The following GNA15 variants were observed in gnomAD, a reference collection of about 807,000 sequenced individuals.
GNA15 encodes guanine nucleotide-binding protein subunit alpha-15.
In GNA15, 23 loss-of-function variants were observed where a neutral mutation model predicts 40.1. The observed-to-expected ratio is 0.57, with a 90% CI of 0.41 to 0.81. The LOEUF (loss-of-function observed/expected upper bound fraction) is 0.81. Ranked by LOEUF, GNA15 falls within the 40% of genes least tolerant of loss-of-function variation. GNA15 has a pLI of 0.00. For missense variants in GNA15, 522 were observed against 515.8 expected (o/e 1.01, Z -0.12); for synonymous variants, 226 against 210.4 (o/e 1.07, Z -0.64).
intron 6 of GNA15, 101 bp from the exon 7 acceptor site, chr19:3,162,692 C>G: frequency 1.4e-6 from 1 of 715,400 alleles, no homozygotes; most frequent in South Asian, 1.6e-5. Flanking sequence ...AGGCGCGATC[C>G]CTGGGTCCCT....
intron 5 of GNA15, among the ~76,000 whole-genome samples, chr19:3,156,217 C>CGCACATGCACACAT (rs1438233191): frequency 1.3e-5 from 2 of 149,880 alleles, no homozygotes; most frequent in South Asian, 2.1e-4. Context: ...AGTGCACACA[C>CGCACATGCACACAT]GCACATACAC....
chr19:3,146,948 C>G (rs1246635337), intron 1 of GNA15, among the ~76,000 whole-genome samples: 1 of 152,084 alleles, frequency 6.6e-6, no homozygotes, highest in Non-Finnish European at 1.5e-5. Context: ...CCACAAGGGC[C>G]TCCTCACTGT....
intron 2 of GNA15, 106 bp downstream of exon 2, chr19:3,148,881 G>A (rs1317422339): frequency 8.7e-7 from 1 of 1,151,774 alleles, no homozygotes; most frequent in East Asian, 2.6e-5. Context: ...GGCAGGGCAG[G>A]GCAGGGCAGG....
At chr19:3,160,599 T>G (rs923664252) in intron 6 of GNA15, among the ~76,000 whole-genome samples, 1 of 152,174 alleles carries the variant, frequency 6.6e-6, no homozygotes, top group Non-Finnish European at 1.5e-5. Flanking sequence ...GGGAAGGAAG[T>G]GACGGCAGCC....
rs1214796941 is a variant in GNA15 at position 3,136,644 on chromosome 19, C to T, written c.145+49C>T. 2 of 1,515,272 alleles carry T rather than the reference C, an allele frequency of 1.3e-6. No homozygotes were observed. The highest frequency in any genetic ancestry group is 2.0e-5 in the Admixed American group (1 of 50,342). 93.9% of individuals were successfully genotyped at this position (1,515,272 alleles called of 1,614,324 possible). A position where few individuals can be genotyped will look rare whatever the true frequency, so the allele number is the denominator to read the frequency against. On this transcript the variant is annotated intron_variant, in intron 1 of 6. Coordinates refer to ENST00000262958, the MANE Select transcript of GNA15 (RefSeq NM_002068.4). This position sits in a 1 kb window ranked among gnomAD's most constrained non-coding sequence, Gnocchi z 4.9. ...TGGGTGGTGGGCAGTGGGCGGTGGCCAGCCGGCAGGGGTGTCGGGGCAAGG... is the reference window on the plus strand; with the variant it reads ...TGGGTGGTGGGCAGTGGGCGGTGGCTAGCCGGCAGGGGTGTCGGGGCAAGG...
At chr19:3,148,547 G>A in intron 1 of GNA15, 44 bp from the exon 2 acceptor site, 1 of 1,501,492 alleles carries the variant, frequency 6.7e-7, no homozygotes, top group Non-Finnish European at 8.9e-7. Flanking sequence ...GTCGGGGGTG[G>A]GAGTCCCGTG....
intron 4 of GNA15, among the ~76,000 whole-genome samples, chr19:3,152,301 G>A (rs1568297419): frequency 6.6e-6 from 1 of 152,062 alleles, no homozygotes; most frequent in South Asian, 2.1e-4. Flanking sequence ...CCAGGACAGC[G>A]GGCGTGGGGA....
In GNA15 at chr19:3,140,055, C is replaced by CTATCTATCTATCTATCTATG. The variant is rs1568292402; in HGVS notation, c.145+3479_145+3480insGTATCTATCTATCTATCTAT. On this transcript the variant is annotated intron_variant, in intron 1 of 6. Transcript: ENST00000262958. Reference sequence around the variant, plus strand: ...TCTCAAAAAAAAAAAATCTATCTATCTATCTATCTATCTATCTATCTATCT... The same window carrying CTATCTATCTATCTATCTATG: ...TCTCAAAAAAAAAAAATCTATCTATCTATCTATCTATCTATCTATGTATCTATCTATCTATCTATCTATCT... Among the ~76,000 whole-genome samples, 133 of 150,248 alleles carry CTATCTATCTATCTATCTATG rather than the reference C, an allele frequency of 8.9e-4. 2 individuals are homozygous for CTATCTATCTATCTATCTATG. The highest frequency in any genetic ancestry group is 3.4e-3 in the Middle Eastern group (1 of 292).
At chr19:3,140,661 T>A (rs1914557560) in intron 1 of GNA15, among the ~76,000 whole-genome samples, 1 of 152,222 alleles carries the variant, frequency 6.6e-6, no homozygotes, top group African/African-American at 2.4e-5. Flanking sequence ...AGGGACCACA[T>A]CTGTCTTCTT....
intron 1 of GNA15, among the ~76,000 whole-genome samples, chr19:3,148,258 T>G (rs979307496): frequency 1.3e-5 from 2 of 152,024 alleles, no homozygotes; most frequent in African/African-American, 4.8e-5. Flanking sequence ...CCGGCTAATT[T>G]TGTATTTTTA....
intron 2 of GNA15, chr19:3,149,360 A>T (rs1568296391): frequency 6.3e-6 from 1 of 158,244 alleles, no homozygotes; most frequent in East Asian, 1.9e-4. Context: ...CACATACACA[A>T]ACACACAAGG....
chr19:3,156,776 G>A (rs1465953688), intron 5 of GNA15, among the ~76,000 whole-genome samples: 1 of 151,984 alleles, frequency 6.6e-6, no homozygotes, highest in East Asian at 1.9e-4. Context: ...GATTACAGGC[G>A]TGAGCCACTG....
At chr19:3,158,682 T>C (rs1915083070) in intron 6 of GNA15, among the ~76,000 whole-genome samples, 2 of 151,936 alleles carry the variant, frequency 1.3e-5, no homozygotes, top group African/African-American at 4.8e-5. Flanking sequence ...AGTACAGTGG[T>C]GCGATCTTGG....
intron 1 of GNA15, among the ~76,000 whole-genome samples, chr19:3,148,306 T>A (rs906216769): frequency 6.6e-6 from 1 of 152,184 alleles, no homozygotes; most frequent in Non-Finnish European, 1.5e-5. Context: ...CAGGTTGGTC[T>A]CTAACTCCTG....
At chr19:3,144,153 C>T (rs1023027404) in intron 1 of GNA15, among the ~76,000 whole-genome samples, 5 of 151,480 alleles carry the variant, frequency 3.3e-5, no homozygotes, top group Non-Finnish European at 7.4e-5. Flanking sequence ...GAGTTGTCCC[C>T]CTCTCGTGGT....
chr19:3,154,327 G>A (rs936337610), intron 4 of GNA15, among the ~76,000 whole-genome samples: 1 of 146,798 alleles, frequency 6.8e-6, no homozygotes, highest in African/African-American at 2.5e-5. Context: ...GGGTAGATGG[G>A]TGGTGGGTGA....
Position 3,155,199 on chromosome 19 carries a change from A to G in GNA15, c.615-624A>G, listed in dbSNP as rs148564510. ...TTGAGGCCCTGGGCCGGGCCCGTCC[A>G]AAGCCTCTGTTCTGGGACTTCCTGA... On this transcript the variant is annotated intron_variant, in intron 4 of 6. Coordinates refer to ENST00000262958, the MANE Select transcript of GNA15 (RefSeq NM_002068.4). The surrounding 1 kb of genome is among the most constrained non-coding windows in gnomAD (Gnocchi z 5.6). 1.3e-5 allele frequency: 2 copies of G among 152,606 alleles called. No individual in the cohort carries two copies. Among genetic ancestry groups the G allele is most frequent in the East Asian group, 1.9e-4 (1 of 5,172 alleles). 9.5% of individuals were successfully genotyped at this position (152,606 alleles called of 1,614,324 possible). A position where few individuals can be genotyped will look rare whatever the true frequency, so the allele number is the denominator to read the frequency against.
At chr19:3,160,143 T>C (rs1915110393) in intron 6 of GNA15, among the ~76,000 whole-genome samples, 1 of 152,246 alleles carries the variant, frequency 6.6e-6, no homozygotes, top group South Asian at 2.1e-4. Flanking sequence ...AGTTCATCTC[T>C]GATCCATGTG....
At chr19:3,148,976 T>TACACGCATAAATGCAC in intron 2 of GNA15, 1 of 581,564 alleles carries the variant, frequency 1.7e-6, no homozygotes, top group South Asian at 2.1e-5. Flanking sequence ...CACACAAGTA[T>TACACGCATAAATGCAC]ACACGCATAA....
Sources: allele counts gnomAD v4.1 joint callset (sites outside exome capture counted in the v4.1 genomes callset), GRCh38; gene constraint gnomAD v4.1.1; non-coding constraint Gnocchi (gnomAD v3.1); transcripts MANE v1.5; gene names NCBI Gene and HGNC (gene_info 2026-07-23, HGNC 2026-07-21).